APP: variants seen among roughly 807,000 people sequenced by gnomAD.
The protein encoded by APP is amyloid-beta precursor protein.
Under a neutral mutation model 101.4 loss-of-function variants are expected in APP, and 31 were observed. The ratio of observed to expected loss-of-function variants is 0.31; its 90% confidence interval spans 0.23 to 0.41. APP has a LOEUF of 0.41. Among genes scored for constraint, APP ranks in the 10% least tolerant of loss-of-function variants. The probability of loss-of-function intolerance (pLI) is 1.00; values close to 1 mark genes in which losing one functional copy is unlikely to be tolerated. For missense variants in APP, 839 were observed against 1,003.7 expected, an observed-to-expected ratio of 0.84 and a Z score of 2.22; for synonymous variants, 366 against 364.4, an observed-to-expected ratio of 1.00 and a Z score of -0.05.
rs192133544 is a variant in APP at position 26,151,017 on chromosome 21, T to C, written c.57+19547A>G. Among the ~76,000 whole-genome samples, 293 of 152,296 alleles carry C rather than the reference T, an allele frequency of 1.9e-3. 1 individual carries two copies. Among genetic ancestry groups the C allele is most frequent in the African/African-American group, 6.8e-3 (283 of 41,564 alleles). ...ACGGCAGTTAATAATCAAAATTACA[T>C]GTGTCTGGCTGAATGGACTCCACGA... On this transcript the variant is annotated intron_variant, in intron 1 of 17. Coordinates refer to ENST00000346798, the MANE Select transcript of APP (RefSeq NM_000484.4).
chr21:26,019,923 T>C (rs1162231393), intron 6 of APP, among the ~76,000 whole-genome samples: 1 of 152,140 alleles, frequency 6.6e-6, no homozygotes, highest in African/African-American at 2.4e-5. Flanking sequence ...ATTTGAAAAA[T>C]GGTGGTTTAA....
chr21:26,161,764 T>G (rs1027932398), intron 1 of APP, among the ~76,000 whole-genome samples: 3 of 152,230 alleles, frequency 2.0e-5, no homozygotes, highest in Non-Finnish European at 4.4e-5. Context: ...TAAACCATAA[T>G]AAGCAATTGA....
At chr21:25,994,508 G>A in intron 8 of APP, among the ~76,000 whole-genome samples, 1 of 152,114 alleles carries the variant, frequency 6.6e-6, no homozygotes, top group East Asian at 1.9e-4. Context: ...CTGATTTATG[G>A]CAAATTATTG....
chr21:26,126,676 T>C (rs777259466), intron 1 of APP, among the ~76,000 whole-genome samples: 3 of 152,120 alleles, frequency 2.0e-5, no homozygotes, highest in Non-Finnish European at 4.4e-5. Context: ...CTAAACATCC[T>C]ACAATGTACA....
chr21:26,127,602 T>C (rs555848776), intron 1 of APP, among the ~76,000 whole-genome samples: 20 of 152,208 alleles, frequency 1.3e-4, no homozygotes, highest in Non-Finnish European at 2.4e-4. Flanking sequence ...AGGGTCACTG[T>C]AGGAACTGGC....
chr21:25,897,940 G>C (rs2038188477), intron 15 of APP: 2 of 475,608 alleles, frequency 4.2e-6, no homozygotes, highest in Non-Finnish European at 7.6e-6. Context: ...TTGAAAATGG[G>C]GGAAAAGCAG....
chr21:25,963,843 C>G (rs973056283), intron 11 of APP, among the ~76,000 whole-genome samples: 1 of 152,116 alleles, frequency 6.6e-6, no homozygotes, highest in Non-Finnish European at 1.5e-5. Context: ...AAGTCTCCTG[C>G]AAAATTTATC....
At chr21:26,158,772 C>T (rs1300316468) in intron 1 of APP, among the ~76,000 whole-genome samples, 1 of 152,192 alleles carries the variant, frequency 6.6e-6, no homozygotes, top group Admixed American at 6.5e-5. Context: ...GTCTGGGAAG[C>T]CCTCCCCACC....
intron 15 of APP, among the ~76,000 whole-genome samples, chr21:25,900,850 G>A (rs199507331): frequency 3.2e-4 from 48 of 151,802 alleles, no homozygotes; most frequent in East Asian, 1.4e-3. Context: ...TTAGCCGGAC[G>A]TGGTGGCAGG....
At chr21:26,136,822 C>CTGTCTTCT (rs1441281281) in intron 1 of APP, among the ~76,000 whole-genome samples, 1 of 152,182 alleles carries the variant, frequency 6.6e-6, no homozygotes, top group Non-Finnish European at 1.5e-5. Context: ...GTTTATGTGC[C>CTGTCTTCT]TGTCTTCTGT....
At chr21:25,945,775 C>G (rs2040788358) in intron 13 of APP, 1 of 404,858 alleles carries the variant, frequency 2.5e-6, no homozygotes, top group Non-Finnish European at 5.0e-6. Flanking sequence ...GCAGCCTCAG[C>G]CACCCCAGGC....
At chr21:26,108,596 T>C (rs1376587959) in intron 2 of APP, among the ~76,000 whole-genome samples, 4 of 60,196 alleles carry the variant, frequency 6.6e-5, no homozygotes, top group Admixed American at 2.2e-4. Context: ...TCTGAAAAAA[T>C]AAAGTCTAGG....
intron 6 of APP, among the ~76,000 whole-genome samples, chr21:26,021,100 T>A (rs2044317356): frequency 7.0e-6 from 1 of 143,168 alleles, no homozygotes; most frequent in Non-Finnish European, 1.5e-5. Flanking sequence ...CAGGCTGGAG[T>A]GCAATGGTGT....
intron 3 of APP, among the ~76,000 whole-genome samples, chr21:26,086,196 G>C (rs1428168464): frequency 6.6e-6 from 1 of 152,168 alleles, no homozygotes; most frequent in East Asian, 1.9e-4. Context: ...TCACACATGA[G>C]ATAATTAATA....
rs375210754 is a variant in APP at position 26,051,331 on chromosome 21, GA to G, written c.469-139del. On this transcript the variant is annotated intron_variant, in intron 4 of 17. Coordinates refer to ENST00000346798, the MANE Select transcript of APP (RefSeq NM_000484.4). ...CAAAGGAAAAGATTATTTGCTTTTT[GA>G]GTGAATTTACAACAGGATTTTTTTT... is the stretch of plus-strand genomic sequence containing the variant. 3.1e-6 allele frequency: 3 copies of G among 954,562 alleles called. No individual in the cohort carries two copies. In the African/African-American group the frequency reaches 4.9e-5, roughly 16 times the overall value. 59.1% of individuals were successfully genotyped at this position (954,562 alleles called of 1,614,324 possible).
rs576290930 is a variant in APP at position 26,101,231 on chromosome 21, T to C, written c.225+10748A>G. 5.9e-5 allele frequency among the ~76,000 whole-genome samples: 9 copies of C among 151,424 alleles called. No homozygotes were observed. In the East Asian group the frequency reaches 1.8e-3, roughly 30 times the overall value. ...CTCCTGCCTCAGTCTCCCGAGTAGC[T>C]GGGACTACAGGCGTGCGCCACCATG... On this transcript the variant is annotated intron_variant, in intron 2 of 17. Transcript: ENST00000346798.
rs920047415 is a variant in APP, at chr21:25,911,064, C to G, written c.1909+677G>C. On this transcript the variant is annotated intron_variant, in intron 14 of 17. Transcript: ENST00000346798. Reference sequence around the variant, plus strand: ...TTTTGTGCTTCCATTCCAGAGGGAACAATATACCTCACAGTTAAAAAACAT... The same window carrying G: ...TTTTGTGCTTCCATTCCAGAGGGAAGAATATACCTCACAGTTAAAAAACAT... 3.9e-5 allele frequency among the ~76,000 whole-genome samples: 6 copies of G among 152,286 alleles called. 1 individual carries two copies. The South Asian group carries it at 1.2e-3, about 32-fold the overall frequency.
At chr21:25,952,804 G>A (rs2041149174) in intron 13 of APP, among the ~76,000 whole-genome samples, 2 of 152,182 alleles carry the variant, frequency 1.3e-5, no homozygotes, top group African/African-American at 4.8e-5. Context: ...AGTTCATTAA[G>A]ACTGATAAAT....
rs60231150 is a variant in APP, at chr21:25,900,378, CAAAAAAAAAAAAAAAAAA to C, written c.1964-2723_1964-2706del. Among the ~76,000 whole-genome samples the C allele has an allele frequency of 6.0e-3, 355 of 59,472 alleles. 3 individuals are homozygous for C. Among genetic ancestry groups the C allele is most frequent in the South Asian group, 0.015 (18 of 1,226 alleles). 39.0% of individuals were successfully genotyped at this position (59,472 alleles called of 152,430 possible). The stretch of plus-strand genomic sequence containing the variant: ...TGAAACCCTGTCTCTACTAAAAATA[CAAAAAAAAAAAAAAAAAA>C]AAAAAAAAAAAAATTAGCCAGGTGT... On this transcript the variant is annotated intron_variant, in intron 15 of 17. Transcript: ENST00000346798.
Sources: allele counts gnomAD v4.1 joint callset (sites outside exome capture counted in the v4.1 genomes callset), GRCh38; gene constraint gnomAD v4.1.1; transcripts MANE v1.5; gene names NCBI Gene and HGNC (gene_info 2026-07-23, HGNC 2026-07-21).